The following GRIK1 variants were observed in gnomAD, a reference collection of about 807,000 sequenced individuals.
The protein encoded by GRIK1 is glutamate ionotropic receptor kainate type subunit 1.
GRIK1 carries 69 observed loss-of-function variants against 105.7 expected under a neutral mutation model. The ratio of observed to expected loss-of-function variants is 0.65; its 90% confidence interval spans 0.54 to 0.80. GRIK1 has a LOEUF of 0.80. Ranked by LOEUF, GRIK1 falls within the 30% of genes least tolerant of loss-of-function variation. The pLI is 0.00. For missense variants in GRIK1, 1,109 were observed against 1,167.3 expected (o/e 0.95, Z 0.73); for synonymous variants, 438 against 431.3 (o/e 1.02, Z -0.19).
At chr21:29,664,862 T>C (rs1161427088) in intron 4 of GRIK1, among the ~76,000 whole-genome samples, 1 of 152,138 alleles carries the variant, frequency 6.6e-6, no homozygotes, top group African/African-American at 2.4e-5. Flanking sequence ...TACAAACCCC[T>C]TTCCACAAAA....
intron 9 of GRIK1, among the ~76,000 whole-genome samples, chr21:29,593,928 T>C (rs1168517968): frequency 1.3e-5 from 2 of 152,244 alleles, no homozygotes; most frequent in Non-Finnish European, 2.9e-5. Context: ...TAAGAGATCA[T>C]TGCTGCTGCC....
At chr21:29,902,528 G>A (rs1025289560) in intron 1 of GRIK1, among the ~76,000 whole-genome samples, 3 of 152,138 alleles carry the variant, frequency 2.0e-5, no homozygotes, top group Admixed American at 6.5e-5. Context: ...AATCATGAGT[G>A]AACTCTCATT....
rs1201259406 is a variant in GRIK1 at position 29,695,535 on chromosome 21, T to A, written c.119-1472A>T. 2.0e-5 allele frequency among the ~76,000 whole-genome samples: 3 copies of A among 152,114 alleles called. No homozygotes were observed. The East Asian group carries it at 5.8e-4, about 29-fold the overall frequency. ...TGTTGCCCAGGCTGGAGGGCAGTGG[T>A]GCAATCTTGGCTCATTGCAACCTCC... On this transcript the variant is annotated intron_variant, in intron 1 of 17. Transcript: ENST00000327783.
intron 9 of GRIK1, among the ~76,000 whole-genome samples, chr21:29,591,535 C>CTA (rs1454116542): frequency 1.3e-5 from 2 of 151,866 alleles, no homozygotes; most frequent in Admixed American, 1.3e-4. Context: ...ATTTTTCTTC[C>CTA]TATATATATA....
intron 1 of GRIK1, among the ~76,000 whole-genome samples, chr21:29,734,761 T>C (rs1169198124): frequency 6.6e-6 from 1 of 152,164 alleles, no homozygotes; most frequent in Non-Finnish European, 1.5e-5. Context: ...AACATTCTTG[T>C]CACCATTGCC....
intron 1 of GRIK1, among the ~76,000 whole-genome samples, chr21:29,917,938 A>G (rs1440176608): frequency 1.3e-5 from 2 of 152,036 alleles, no homozygotes; most frequent in Non-Finnish European, 2.9e-5. Flanking sequence ...TCTTTAAAAC[A>G]CACACACTTT....
At chr21:29,845,276 G>A (rs1051285773) in intron 1 of GRIK1, among the ~76,000 whole-genome samples, 10 of 151,690 alleles carry the variant, frequency 6.6e-5, no homozygotes, top group African/African-American at 9.7e-5. Flanking sequence ...AATGCCAAAC[G>A]TCTTTTGCCA....
chr21:29,789,282 G>A (rs1033380672), intron 1 of GRIK1, among the ~76,000 whole-genome samples: 10 of 152,150 alleles, frequency 6.6e-5, no homozygotes, highest in Non-Finnish European at 1.3e-4. Flanking sequence ...TCTCATACAC[G>A]ATTAGCTGAA....
intron 16 of GRIK1, among the ~76,000 whole-genome samples, chr21:29,550,323 G>A (rs1477353451): frequency 6.6e-6 from 1 of 152,086 alleles, no homozygotes. Context: ...TAAGTGGAAA[G>A]GGTCTGTCAG....
intron 14 of GRIK1, among the ~76,000 whole-genome samples, chr21:29,563,914 A>G (rs1040927497): frequency 1.3e-5 from 2 of 152,130 alleles, no homozygotes; most frequent in African/African-American, 2.4e-5. Flanking sequence ...ATCTAATTCA[A>G]TGCTCTTTCC....
chr21:29,832,837 A>G (rs1356429346), intron 1 of GRIK1, among the ~76,000 whole-genome samples: 1 of 152,178 alleles, frequency 6.6e-6, no homozygotes, highest in East Asian at 1.9e-4. Context: ...GCCTGGATTC[A>G]TTCCCAGAAA....
At chr21:29,746,432 A>AT (rs2065050707) in intron 1 of GRIK1, among the ~76,000 whole-genome samples, 2 of 152,256 alleles carry the variant, frequency 1.3e-5, no homozygotes, top group Admixed American at 6.5e-5. Flanking sequence ...TTTAATCACA[A>AT]TTTGAACAAA....
chr21:29,684,252 C>CTCTA (rs59976698), intron 3 of GRIK1, among the ~76,000 whole-genome samples: 8,622 of 149,332 alleles, frequency 0.058, 234 homozygotes, highest in East Asian at 0.11. Context: ...AATCTATCAT[C>CTCTA]TCTATCTATC....
intron 1 of GRIK1, among the ~76,000 whole-genome samples, chr21:29,814,375 A>G (rs1020742960): frequency 6.6e-6 from 1 of 152,032 alleles, no homozygotes; most frequent in Admixed American, 6.6e-5. Flanking sequence ...TATGTAACTT[A>G]GATGTTCCTC....
At chr21:29,824,266 C>T (rs968318239) in intron 1 of GRIK1, among the ~76,000 whole-genome samples, 3 of 151,846 alleles carry the variant, frequency 2.0e-5, no homozygotes, top group African/African-American at 7.3e-5. Flanking sequence ...TAAGATGGGG[C>T]CTCTAAGACA....
intron 14 of GRIK1, among the ~76,000 whole-genome samples, chr21:29,563,265 T>C (rs1324260741): frequency 6.6e-6 from 1 of 152,200 alleles, no homozygotes; most frequent in Non-Finnish European, 1.5e-5. Flanking sequence ...CGGTTATTCA[T>C]GCCCAGGTGT....
chr21:29,795,554 T>TC (rs1265639279), intron 1 of GRIK1, among the ~76,000 whole-genome samples: 1 of 152,154 alleles, frequency 6.6e-6, no homozygotes, highest in African/African-American at 2.4e-5. Flanking sequence ...TATTACTCCT[T>TC]TCTTATCCTA....
intron 1 of GRIK1, among the ~76,000 whole-genome samples, chr21:29,812,388 A>G (rs185084243): frequency 6.6e-6 from 1 of 152,322 alleles, no homozygotes; most frequent in East Asian, 1.9e-4. Flanking sequence ...GCATATATGA[A>G]CATAAATGAA....
chr21:29,619,212 G>A (rs2061928217), intron 7 of GRIK1, among the ~76,000 whole-genome samples: 3 of 151,890 alleles, frequency 2.0e-5, no homozygotes, highest in Admixed American at 2.0e-4. Context: ...GCCAAAGCGG[G>A]CAGATCACGA....
Sources: allele counts gnomAD v4.1 joint callset (sites outside exome capture counted in the v4.1 genomes callset), GRCh38; gene constraint gnomAD v4.1.1; transcripts MANE v1.5; gene names NCBI Gene and HGNC (gene_info 2026-07-23, HGNC 2026-07-21).